The following SMAP2 variants were observed in gnomAD, a reference collection of about 807,000 sequenced individuals.
The protein encoded by SMAP2 is small ArfGAP2, also known as stromal membrane-associated protein 2.
SMAP2 carries 25 observed loss-of-function variants against 56.4 expected under a neutral mutation model. The observed-to-expected ratio is 0.44, with a 90% CI of 0.32 to 0.62. The LOEUF (loss-of-function observed/expected upper bound fraction) is 0.62, where lower values mean the gene tolerates loss of function less well. Ranked by LOEUF, SMAP2 falls within the 20% of genes least tolerant of loss-of-function variation. The pLI, the probability that SMAP2 is intolerant of heterozygous loss-of-function variation, is 0.04. For synonymous variants in SMAP2, 157 were observed against 181.7 expected (o/e 0.86, Z 1.09); for missense variants, 388 against 545.6 (o/e 0.71, Z 2.88).
intron 1 of SMAP2, among the ~76,000 whole-genome samples, chr1:40,354,766 A>G (rs1644426352): frequency 1.7e-5 from 1 of 58,270 alleles, no homozygotes; most frequent in Non-Finnish European, 3.3e-5. Flanking sequence ...CAAAACATTG[A>G]ATTTTTTTTT....
intron 9 of SMAP2, among the ~76,000 whole-genome samples, chr1:40,418,396 G>T (rs1175171451): frequency 6.6e-6 from 1 of 152,118 alleles, no homozygotes; most frequent in Non-Finnish European, 1.5e-5. Flanking sequence ...TAATATGGAA[G>T]TTAGGCAAAG....
chr1:40,395,838 C>A (rs1644765691), intron 1 of SMAP2, among the ~76,000 whole-genome samples: 1 of 152,306 alleles, frequency 6.6e-6, no homozygotes, highest in East Asian at 1.9e-4. Flanking sequence ...GTGTTACAGG[C>A]TTTAATGTTT....
At chr1:40,373,025 G>T (rs1273990897), upstream of SMAP2, among the ~76,000 whole-genome samples, 1 of 152,202 alleles carries the variant, frequency 6.6e-6, no homozygotes. Context: ...GTTGCCTGTT[G>T]TGTGCTATGC....
intron 1 of SMAP2, among the ~76,000 whole-genome samples, chr1:40,380,727 A>G (rs1340547311): frequency 6.6e-6 from 1 of 151,988 alleles, no homozygotes; most frequent in East Asian, 1.9e-4. Flanking sequence ...GAGGGGTTTC[A>G]TCATGTTGGC....
chr1:40,359,526 GGTAA>G (rs1330784721), intron 1 of SMAP2, among the ~76,000 whole-genome samples: 13 of 152,138 alleles, frequency 8.5e-5, no homozygotes, highest in African/African-American at 2.9e-4. Flanking sequence ...TGTTATTATT[GGTAA>G]GTAAGGACTT....
rs181306856 is a variant in SMAP2 at position 40,418,802 on chromosome 1, C to T, written c.1164+1706C>T. Reference sequence around the variant, plus strand: ...GCAAGACACAACAAGTATTTTACAACCAAGCCAGCCAAGCTATCCTTCAGG... The same window carrying T: ...GCAAGACACAACAAGTATTTTACAATCAAGCCAGCCAAGCTATCCTTCAGG... On this transcript the variant is annotated intron_variant, in intron 9 of 9. Transcript: ENST00000372718. 1.0e-3 allele frequency among the ~76,000 whole-genome samples: 157 copies of T among 152,258 alleles called. 1 individual carries two copies. The highest frequency in any genetic ancestry group is 1.4e-3 in the Non-Finnish European group (94 of 68,028).
At chr1:40,359,243 C>G (rs942870647) in intron 1 of SMAP2, among the ~76,000 whole-genome samples, 2 of 152,188 alleles carry the variant, frequency 1.3e-5, no homozygotes, top group African/African-American at 4.8e-5. Flanking sequence ...GCTGGAACTA[C>G]AAGTGCGTGC....
At chr1:40,388,361 TGTAA>T in intron 1 of SMAP2, among the ~76,000 whole-genome samples, 1 of 152,318 alleles carries the variant, frequency 6.6e-6, no homozygotes, top group South Asian at 2.1e-4. Context: ...GCTCAGGGAT[TGTAA>T]ATACACCAGT....
chr1:40,405,341 T>C (rs1268520542), intron 1 of SMAP2, among the ~76,000 whole-genome samples: 1 of 151,908 alleles, frequency 6.6e-6, no homozygotes, highest in African/African-American at 2.4e-5. Flanking sequence ...ATAAAAATAT[T>C]AGCCAGGCAG....
At chr1:40,387,588 CCATAAGGGACCTAAGGAA>C (rs1644669734) in intron 1 of SMAP2, among the ~76,000 whole-genome samples, 1 of 149,550 alleles carries the variant, frequency 6.7e-6, no homozygotes, top group African/African-American at 2.4e-5. Context: ...CCTGGTTTCC[CCATAAGGGACCTAAGGAA>C]CATAAGGGAC....
Position 40,374,995 on chromosome 1 carries a change from C to T in SMAP2, c.103+772C>T. On this transcript the variant is annotated intron_variant, in intron 1 of 9. Transcript: ENST00000372718. The surrounding 1 kb of genome is among the most constrained non-coding windows in gnomAD (Gnocchi z 5.9). The stretch of plus-strand genomic sequence containing the variant: ...GATGAATTCGATGAATTCATTGCTT[C>T]CATGGCGATTACACTTCTAAAGGTG... 8.1e-6 allele frequency: 8 copies of T among 985,334 alleles called. No homozygotes were observed. Among genetic ancestry groups the T allele is most frequent in the Non-Finnish European group, 8.4e-6 (7 of 829,910 alleles). The allele number at this position is 985,334 out of a possible 1,614,324, so 61.0% of individuals were successfully genotyped here.
In SMAP2 at chr1:40,374,287, T is replaced by G; in HGVS notation, c.103+64T>G. The G allele has an allele frequency of 7.2e-7, 1 of 1,389,920 alleles. No individual in the cohort carries two copies. The highest frequency in any genetic ancestry group is 1.0e-6 in the Non-Finnish European group (1 of 995,446). The allele number at this position is 1,389,920 out of a possible 1,614,324, so 86.1% of individuals were successfully genotyped here. ...GCCGGGGTGGTGGGGGTGGGCTGCG[T>G]GAAGAGGCGGTTTCTGAAGCTTAGG... On this transcript the variant is annotated intron_variant, in intron 1 of 9. Transcript: ENST00000372718. The surrounding 1 kb of genome is among the most constrained non-coding windows in gnomAD (Gnocchi z 5.9).
chr1:40,371,127 C>CGCA (rs941316016), upstream of SMAP2, among the ~76,000 whole-genome samples: 1 of 151,858 alleles, frequency 6.6e-6, no homozygotes, highest in African/African-American at 2.4e-5. Context: ...GAGCCGAGAT[C>CGCA]GCACCACTGC....
chr1:40,364,429 C>G (rs559341051), intron 2 of SMAP2, among the ~76,000 whole-genome samples: 1 of 152,050 alleles, frequency 6.6e-6, no homozygotes, highest in Non-Finnish European at 1.5e-5. Context: ...TTTCTACAAA[C>G]AGAAAATAAT....
intron 2 of SMAP2, among the ~76,000 whole-genome samples, chr1:40,362,872 A>G (rs576496114): frequency 6.6e-6 from 1 of 152,318 alleles, no homozygotes; most frequent in Non-Finnish European, 1.5e-5. Flanking sequence ...ATGATTACAT[A>G]GCAGCAGGCC....
chr1:40,382,282 C>T (rs559714307), intron 1 of SMAP2, among the ~76,000 whole-genome samples: 103 of 152,156 alleles, frequency 6.8e-4, no homozygotes, highest in African/African-American at 2.1e-3. Flanking sequence ...TCGGTGACTG[C>T]GACATTCTAC....
At chr1:40,393,678 T>C (rs1644740750) in intron 1 of SMAP2, among the ~76,000 whole-genome samples, 1 of 151,532 alleles carries the variant, frequency 6.6e-6, no homozygotes, top group Non-Finnish European at 1.5e-5. Context: ...CCTGAATAGT[T>C]AGTATTACAG....
intron 1 of SMAP2, among the ~76,000 whole-genome samples, chr1:40,395,286 A>G (rs1644758956): frequency 6.6e-6 from 1 of 152,180 alleles, no homozygotes; most frequent in Admixed American, 6.5e-5. Context: ...TGACTGATTG[A>G]TAGTTCTTTA....
rs1201542666 is a variant in SMAP2 at position 40,414,338 on chromosome 1, C to T, written c.571+98C>T. 3 of 1,088,508 alleles carry T rather than the reference C, an allele frequency of 2.8e-6. No individual in the cohort carries two copies. The East Asian group carries it at 7.4e-5, about 27-fold the overall frequency. 67.4% of individuals were successfully genotyped at this position (1,088,508 alleles called of 1,614,324 possible). A position where few individuals can be genotyped will look rare whatever the true frequency, so the allele number is the denominator to read the frequency against. Reference sequence around the variant, plus strand: ...TAGAGATGGGGTTCTCCAGTTTTGTCTTCATTGCCAAGACTGTTCTCTCAC... The same window carrying T: ...TAGAGATGGGGTTCTCCAGTTTTGTTTTCATTGCCAAGACTGTTCTCTCAC... On this transcript the variant is annotated intron_variant, in intron 6 of 9. Coordinates refer to ENST00000372718, the MANE Select transcript of SMAP2 (RefSeq NM_022733.3).
Sources: gnomAD v4.1 joint callset for allele counts (sites outside exome capture counted in the v4.1 genomes callset) on GRCh38, gnomAD v4.1.1 for gene constraint, Gnocchi (gnomAD v3.1) non-coding constraint, MANE v1.5 for transcripts, NCBI Gene and HGNC (gene_info 2026-07-23, HGNC 2026-07-21) for gene names.